The following APLF variants were observed in gnomAD, a reference collection of about 807,000 sequenced individuals.
The protein encoded by APLF is aprataxin and PNK-like factor.
Under a neutral mutation model 55.6 loss-of-function variants are expected in APLF, and 61 were observed. That is an observed-to-expected ratio of 1.10 (90% CI 0.89 to 1.36). APLF has a LOEUF of 1.36. Among genes scored for constraint, APLF ranks in the 40% most tolerant of loss-of-function variants. The pLI, the probability that APLF is intolerant of heterozygous loss-of-function variation, is 0.00. For synonymous variants in APLF, 207 were observed against 214.8 expected (o/e 0.96, Z 0.32); for missense variants, 611 against 602.5 (o/e 1.01, Z -0.15).
chr2:68,537,991 A>T lies in APLF; in HGVS notation c.924A>T (p.Lys308Asn). The T allele has an allele frequency of 3.1e-6, 5 of 1,613,582 alleles. No homozygotes were observed. Among genetic ancestry groups the T allele is most frequent in the Non-Finnish European group, 4.2e-6 (5 of 1,179,750 alleles). Residue 308 changes from lysine to asparagine, a missense_variant, in exon 7 of 10, where the codon AAA becomes AAT. Transcript: ENST00000303795. Reference protein sequence around the residue: ...IEELGKVSKHKIATKRTPHKE... With the variant: ...IEELGKVSKHNIATKRTPHKE... The stretch of plus-strand genomic sequence containing the variant: ...AACTTGGTAAAGTTTCTAAACATAA[A>T]ATTGCCACTAAAAGAACACCACATA...
At chr2:68,547,440 G>C in intron 8 of APLF, among the ~76,000 whole-genome samples, 1 of 151,762 alleles carries the variant, frequency 6.6e-6, no homozygotes, top group East Asian at 1.9e-4. Flanking sequence ...ACATAATGAA[G>C]AATAGGTGGC....
rs775451894 is a variant in APLF at position 68,513,671 on chromosome 2, A to G, written c.613A>G (p.Ile205Val). The change falls in exon 5 of 10, where the codon ATC (isoleucine) becomes GTC (valine). Residue 205 changes from isoleucine to valine, a missense_variant. Coordinates refer to ENST00000303795, the MANE Select transcript of APLF (RefSeq NM_173545.3). ...TGATCAAAACCTTTCAGTACCAGCA[A>G]TCAGTGGAGGTAGGTTTTTGTTTCT... ...LSDQNLSVPAISGGNVIQGSG... is the reference protein window; with the variant it reads ...LSDQNLSVPAVSGGNVIQGSG... The G allele has an allele frequency of 8.7e-6, 14 of 1,610,626 alleles. No individual in the cohort carries two copies. The African/African-American group carries it at 1.1e-4, about 12-fold the overall frequency.
chr2:68,543,986 T>C (rs927146106), intron 7 of APLF, among the ~76,000 whole-genome samples: 6 of 148,808 alleles, frequency 4.0e-5, no homozygotes, highest in Non-Finnish European at 9.0e-5. Flanking sequence ...ATTTTCTTTT[T>C]TTTTTTTTTT....
At chr2:68,522,599 C>T (rs1474908216) in intron 5 of APLF, among the ~76,000 whole-genome samples, 2 of 151,836 alleles carry the variant, frequency 1.3e-5, no homozygotes, top group Non-Finnish European at 2.9e-5. Context: ...ATGGAACTCT[C>T]CTGATCTGGG....
At chr2:68,565,514 G>GATACATAC (rs372500629) in intron 8 of APLF, among the ~76,000 whole-genome samples, 2,055 of 149,016 alleles carry the variant, frequency 0.014, 28 homozygotes, top group Non-Finnish European at 0.016. Flanking sequence ...TAGACAGATA[G>GATACATAC]ATACATACAT....
chr2:68,486,456 C>A (rs1231570889), intron 1 of APLF, among the ~76,000 whole-genome samples: 5 of 152,024 alleles, frequency 3.3e-5, no homozygotes, highest in Non-Finnish European at 5.9e-5. Context: ...TTTAGTATTT[C>A]CCAGTAAAAG....
intron 1 of APLF, among the ~76,000 whole-genome samples, chr2:68,475,939 C>T (rs1675758590): frequency 6.6e-6 from 1 of 151,068 alleles, no homozygotes; most frequent in African/African-American, 2.4e-5. Flanking sequence ...AGGAAATAAT[C>T]TAATGAAATT....
intron 8 of APLF, among the ~76,000 whole-genome samples, chr2:68,547,168 TA>T (rs1227157716): frequency 6.6e-6 from 1 of 151,674 alleles, no homozygotes; most frequent in African/African-American, 2.4e-5. Context: ...GGAATAAATA[TA>T]AAAGGCGTAG....
chr2:68,503,563 T>C (rs1676787346), intron 3 of APLF, among the ~76,000 whole-genome samples: 1 of 152,098 alleles, frequency 6.6e-6, no homozygotes, highest in South Asian at 2.1e-4. Context: ...ATAAAATAGC[T>C]ACACAAATAT....
intron 7 of APLF, among the ~76,000 whole-genome samples, chr2:68,542,603 T>C (rs913875311): frequency 6.6e-6 from 1 of 152,074 alleles, no homozygotes; most frequent in Non-Finnish European, 1.5e-5. Context: ...CATTGAGATA[T>C]CACCTCACAC....
intron 1 of APLF, 49 bp downstream of exon 1, chr2:68,467,876 C>T: frequency 8.2e-7 from 1 of 1,216,960 alleles, no homozygotes; most frequent in Non-Finnish European, 1.0e-6. Flanking sequence ...TGGAGTTCCG[C>T]GCCGGCTCCT....
At chr2:68,538,571 G>T (rs1213879897) in intron 7 of APLF, among the ~76,000 whole-genome samples, 2 of 133,526 alleles carry the variant, frequency 1.5e-5, no homozygotes, top group African/African-American at 5.3e-5. Context: ...CTACAGAGTT[G>T]TTGTCTACAA....
intron 2 of APLF, among the ~76,000 whole-genome samples, chr2:68,500,367 A>G (rs1475748846): frequency 6.6e-6 from 1 of 152,126 alleles, no homozygotes; most frequent in African/African-American, 2.4e-5. Flanking sequence ...CTGACTGCCA[A>G]TATTTAACCA....
At chr2:68,473,360 TAGTGATGAA>T (rs1307501543) in intron 1 of APLF, among the ~76,000 whole-genome samples, 1 of 152,234 alleles carries the variant, frequency 6.6e-6, no homozygotes, top group East Asian at 1.9e-4. Context: ...CATTTCTTTT[TAGTGATGAA>T]TAATATTCCA....
rs1195604645 is a variant in APLF, at chr2:68,578,168, C to T, written c.*146C>T. ...TACTACTGACTCTTTACAAATGAGA[C>T]ATTGAAACGTCAGCCTTCAGTATAA... On this transcript the variant is annotated 3_prime_UTR_variant, in exon 10 of 10. Coordinates refer to ENST00000303795, the MANE Select transcript of APLF (RefSeq NM_173545.3). 6.4e-6 allele frequency: 9 copies of T among 1,414,782 alleles called. No homozygotes were observed. The highest frequency in any genetic ancestry group is 7.4e-6 in the Non-Finnish European group (8 of 1,087,290). The allele number at this position is 1,414,782 out of a possible 1,614,324, so 87.6% of individuals were successfully genotyped here. A position where few individuals can be genotyped will look rare whatever the true frequency, so the allele number is the denominator to read the frequency against.
intron 3 of APLF, among the ~76,000 whole-genome samples, chr2:68,510,391 A>G (rs1364908933): frequency 6.6e-6 from 1 of 151,848 alleles, no homozygotes; most frequent in Non-Finnish European, 1.5e-5. Context: ...ACATTTTTCC[A>G]AAGAAGGTGT....
chr2:68,497,857 T>G (rs1480005955), intron 2 of APLF, among the ~76,000 whole-genome samples: 1 of 152,162 alleles, frequency 6.6e-6, no homozygotes, highest in Non-Finnish European at 1.5e-5. Context: ...GACAGATGCC[T>G]TTAATCAATG....
At chr2:68,576,200 G>T (rs982539562) in intron 9 of APLF, among the ~76,000 whole-genome samples, 2 of 152,120 alleles carry the variant, frequency 1.3e-5, no homozygotes, top group Non-Finnish European at 2.9e-5. Flanking sequence ...AAAAAGTTAT[G>T]TGTATAAGGT....
intron 8 of APLF, among the ~76,000 whole-genome samples, chr2:68,553,584 A>G (rs1033369075): frequency 4.6e-5 from 7 of 152,118 alleles, no homozygotes; most frequent in Admixed American, 3.9e-4. Flanking sequence ...GTTTTCATGC[A>G]TATGCATGCT....
Sources: gnomAD v4.1 joint callset for allele counts (sites outside exome capture counted in the v4.1 genomes callset) on GRCh38, gnomAD v4.1.1 for gene constraint, MANE v1.5 for transcripts, NCBI Gene and HGNC (gene_info 2026-07-23, HGNC 2026-07-21) for gene names.